The following HTT variants were observed in gnomAD, a reference collection of about 807,000 sequenced individuals.
HTT encodes the protein huntingtin.
Under a neutral mutation model 362.3 loss-of-function variants are expected in HTT, and 104 were observed. The observed-to-expected ratio is 0.29, with a 90% CI of 0.24 to 0.34. The LOEUF is 0.34. Among genes scored for constraint, HTT ranks in the 10% least tolerant of loss-of-function variants. The pLI is 1.00. For missense variants in HTT, 3,301 were observed against 3,928.6 expected (o/e 0.84, Z 4.27); for synonymous variants, 1,577 against 1,548.7 (o/e 1.02, Z -0.43).
intron 26 of HTT, among the ~76,000 whole-genome samples, chr4:3,152,980 C>T (rs1424005286): frequency 1.3e-5 from 2 of 152,088 alleles, no homozygotes; most frequent in Non-Finnish European, 1.5e-5. Context: ...GCATTTCTTC[C>T]CTGATGCCTT....
intron 21 of HTT, among the ~76,000 whole-genome samples, chr4:3,139,994 G>C (rs972784534): frequency 1.3e-5 from 2 of 151,938 alleles, no homozygotes; most frequent in African/African-American, 4.8e-5. Flanking sequence ...GGGGGCTCAC[G>C]CCTGTAATCC....
At chr4:3,178,531 G>C in intron 35 of HTT, 85 bp downstream of exon 35, 5 of 1,195,138 alleles carry the variant, frequency 4.2e-6, no homozygotes, top group Non-Finnish European at 6.0e-6. Context: ...TTTGAACGTT[G>C]TCAGTGGCAG....
intron 23 of HTT, among the ~76,000 whole-genome samples, chr4:3,144,252 A>T (rs1253855574): frequency 1.3e-5 from 2 of 152,310 alleles, no homozygotes; most frequent in Middle Eastern, 3.4e-3. Context: ...AGCAAGTATA[A>T]CTTTTGTTAT....
intron 11 of HTT, among the ~76,000 whole-genome samples, chr4:3,126,738 G>A (rs1306730023): frequency 1.3e-5 from 2 of 152,092 alleles, no homozygotes; most frequent in Non-Finnish European, 2.9e-5. Flanking sequence ...TTTTTAAATG[G>A]TAATTTAGAA....
chr4:3,078,918 A>G (rs1253286829), intron 1 of HTT, among the ~76,000 whole-genome samples: 1 of 152,014 alleles, frequency 6.6e-6, no homozygotes, highest in Non-Finnish European at 1.5e-5. Flanking sequence ...TGTATTTTTA[A>G]TAGAGACGGG....
At chr4:3,159,005 A>T (rs1184943345) in intron 28 of HTT, among the ~76,000 whole-genome samples, 1 of 152,112 alleles carries the variant, frequency 6.6e-6, no homozygotes, top group Non-Finnish European at 1.5e-5. Context: ...TTGCTCTGTC[A>T]TCCCCGCGGT....
chr4:3,207,357 G>C lies in HTT; in HGVS notation c.6152G>C (p.Arg2051Thr). 1 of 1,610,086 alleles carries C rather than the reference G, an allele frequency of 6.2e-7. No individual in the cohort carries two copies. The highest frequency in any genetic ancestry group is 2.2e-5 in the East Asian group (1 of 44,820). The change falls in exon 45 of 67, where the codon AGA becomes ACA. Residue 2051 changes from arginine (R) to threonine (T), a missense_variant and splice_region_variant. This residue lies in a region of HTT where 2,316 missense variants were observed against 2,658.5 expected (regional missense o/e 0.87). Transcript: ENST00000355072. ...CTTCAGAGCAGCGGGCTCGCTCAGA[G>C]GTAATGCTGGAAACACAGGTCGTCC... ...EYLQSSGLAQ[R>T]HQRLYSLLDR... is the part of the protein sequence containing the mutation.
At chr4:3,086,830 T>C in intron 1 of HTT, 109 bp from the exon 2 acceptor site, 1 of 641,198 alleles carries the variant, frequency 1.6e-6, no homozygotes. Flanking sequence ...AGTATAACGG[T>C]TTATTCATAG....
At chr4:3,170,698 C>T (rs1717929577) in intron 29 of HTT, among the ~76,000 whole-genome samples, 1 of 152,192 alleles carries the variant, frequency 6.6e-6, no homozygotes, top group Non-Finnish European at 1.5e-5. Flanking sequence ...AGCCTAGGAA[C>T]TCTCTCAAAG....
intron 56 of HTT, 29 bp downstream of exon 56, chr4:3,224,160 G>A (rs752415494): frequency 9.3e-6 from 15 of 1,612,054 alleles, no homozygotes; most frequent in African/African-American, 2.7e-5. Context: ...GCGGGGGAGC[G>A]GTTGTACTTG....
intron 50 of HTT, among the ~76,000 whole-genome samples, chr4:3,214,805 A>C (rs1413744214): frequency 2.1e-5 from 3 of 142,336 alleles, no homozygotes; most frequent in Non-Finnish European, 4.5e-5. Context: ...TATAGTGATG[A>C]TTTTGATAGT....
chr4:3,139,512 A>G (rs774166583), intron 21 of HTT, among the ~76,000 whole-genome samples: 10 of 152,174 alleles, frequency 6.6e-5, no homozygotes, highest in Non-Finnish European at 1.2e-4. Context: ...GTTACTTCTT[A>G]TATTCTAGAA....
intron 26 of HTT, among the ~76,000 whole-genome samples, chr4:3,150,086 C>T (rs11731237): frequency 0.27 from 41,054 of 152,082 alleles, 6,436 homozygotes; most frequent in East Asian, 0.46. Flanking sequence ...TTCAGTCCTT[C>T]CTGCCCACCA....
intron 49 of HTT, among the ~76,000 whole-genome samples, chr4:3,213,253 A>G (rs1215572579): frequency 6.6e-6 from 1 of 152,226 alleles, no homozygotes; most frequent in Non-Finnish European, 1.5e-5. Context: ...ATTACTCACA[A>G]AATGATAAAT....
At chr4:3,161,724 T>A (rs1717458199) in intron 29 of HTT, among the ~76,000 whole-genome samples, 1 of 152,222 alleles carries the variant, frequency 6.6e-6, no homozygotes, top group South Asian at 2.1e-4. Flanking sequence ...TGTCTTCTTT[T>A]GCGAAGTGTC....
chr4:3,114,619 A>G (rs972599666), intron 6 of HTT, among the ~76,000 whole-genome samples: 3 of 152,230 alleles, frequency 2.0e-5, no homozygotes, highest in East Asian at 1.9e-4. Context: ...GGCTCAGAGC[A>G]TAGTTTTGAA....
chr4:3,118,771 G>A (rs1268178025), intron 8 of HTT, among the ~76,000 whole-genome samples: 1 of 152,214 alleles, frequency 6.6e-6, no homozygotes, highest in Non-Finnish European at 1.5e-5. Context: ...ATTTTCTTAA[G>A]ACCTTTCTCC....
chr4:3,207,128 C>T (rs1340366260), intron 44 of HTT, 145 bp downstream of exon 44: 4 of 1,037,612 alleles, frequency 3.9e-6, no homozygotes, highest in Non-Finnish European at 5.7e-6. Context: ...CTTGCCGTTA[C>T]TCGTGTGTCC....
chr4:3,145,244 A>T lies in HTT; in HGVS notation c.3143+16A>T. ...GGCACTGTGGGTATGTATTTTCCTC[A>T]GTATATATTAATAGTTGTCTACAAC... On this transcript the variant is annotated intron_variant, in intron 24 of 66. Coordinates refer to ENST00000355072, the MANE Select transcript of HTT (RefSeq NM_001388492.1). 6.6e-7 allele frequency: 1 copy of T among 1,512,732 alleles called. No individual in the cohort carries two copies. The highest frequency in any genetic ancestry group is 9.2e-7 in the Non-Finnish European group (1 of 1,087,646). The allele number at this position is 1,512,732 out of a possible 1,614,324, so 93.7% of individuals were successfully genotyped here.
Sources: gnomAD v4.1 joint callset for allele counts (sites outside exome capture counted in the v4.1 genomes callset) on GRCh38, gnomAD v4.1.1 for gene constraint, gnomAD v4.1.1 regional missense constraint, MANE v1.5 for transcripts, NCBI Gene and HGNC (gene_info 2026-07-23, HGNC 2026-07-21) for gene names.